DOCK8: variants seen among roughly 807,000 people sequenced by gnomAD.
DOCK8 encodes the protein dedicator of cytokinesis protein 8.
DOCK8 carries 141 observed loss-of-function variants against 245.6 expected under a neutral mutation model. That is an observed-to-expected ratio of 0.57 (90% confidence interval 0.50 to 0.66). The LOEUF (loss-of-function observed/expected upper bound fraction) is 0.66. Ranked by LOEUF, DOCK8 falls within the 30% of genes least tolerant of loss-of-function variation. DOCK8 has a pLI of 0.00. For synonymous variants in DOCK8, 1,168 were observed against 970.2 expected (o/e 1.20, Z -3.79); for missense variants, 2,965 against 2,603.4 (o/e 1.14, Z -3.02).
rs1564016047 is a variant in DOCK8, at chr9:400,877, ACC to A, written c.3234+1619_3234+1620del. On this transcript the variant is annotated intron_variant, in intron 26 of 47. Coordinates refer to ENST00000432829, the MANE Select transcript of DOCK8 (RefSeq NM_203447.4). The stretch of plus-strand genomic sequence containing the variant: ...CACCACCTCCTCCACCATCACCACC[ACC>A]TCCACCACCACCACCTCCCCCACTA... Among the ~76,000 whole-genome samples the A allele has an allele frequency of 3.4e-4, 17 of 50,634 alleles. 2 individuals carry two copies. Among genetic ancestry groups the A allele is most frequent in the Admixed American group, 8.6e-4 (4 of 4,626 alleles). 33.2% of individuals were successfully genotyped at this position (50,634 alleles called of 152,430 possible).
chr9:400,889 A>T (rs1327264592), intron 26 of DOCK8, among the ~76,000 whole-genome samples: 1 of 116,910 alleles, frequency 8.6e-6, no homozygotes. Context: ...CTCCACCACC[A>T]CCACCTCCCC....
chr9:301,378 CA>C (rs1234614043), intron 4 of DOCK8, among the ~76,000 whole-genome samples: 1 of 152,212 alleles, frequency 6.6e-6, no homozygotes, highest in Non-Finnish European at 1.5e-5. Flanking sequence ...CAACTATCCA[CA>C]GCCAACATCA....
chr9:422,927 G>A (rs1274461721), intron 33 of DOCK8, among the ~76,000 whole-genome samples: 1 of 151,240 alleles, frequency 6.6e-6, no homozygotes, highest in African/African-American at 2.4e-5. Flanking sequence ...AGAGGTTGCA[G>A]TGAGCCAAGA....
At chr9:359,169 C>A (rs2052597599) in intron 14 of DOCK8, among the ~76,000 whole-genome samples, 1 of 152,180 alleles carries the variant, frequency 6.6e-6, no homozygotes, top group East Asian at 1.9e-4. Context: ...AATTTTAGCT[C>A]ACTCAGAAAA....
At chr9:368,523 G>T in intron 15 of DOCK8, 1 of 535,656 alleles carries the variant, frequency 1.9e-6, no homozygotes, top group Non-Finnish European at 3.3e-6. Context: ...TACACACACA[G>T]TGTTACACAC....
chr9:457,668 TGC>T (rs2057682456), intron 46 of DOCK8, among the ~76,000 whole-genome samples: 1 of 152,192 alleles, frequency 6.6e-6, no homozygotes, highest in Non-Finnish European at 1.5e-5. Flanking sequence ...TTCACCTCTT[TGC>T]ATGTTAGTTT....
chr9:382,729 A>T, intron 22 of DOCK8, 44 bp downstream of exon 22: 1 of 1,606,084 alleles, frequency 6.2e-7, no homozygotes, highest in Non-Finnish European at 8.5e-7. Context: ...AGGCTTTTTT[A>T]TTTTTTAACT....
chr9:303,783 T>G (rs1354097107), intron 4 of DOCK8, among the ~76,000 whole-genome samples: 1 of 152,176 alleles, frequency 6.6e-6, no homozygotes, highest in Non-Finnish European at 1.5e-5. Context: ...CATGTATCCC[T>G]TGAACCTAAA....
At chr9:225,569 A>G (rs1037444676) in intron 1 of DOCK8, among the ~76,000 whole-genome samples, 1 of 152,204 alleles carries the variant, frequency 6.6e-6, no homozygotes, top group African/African-American at 2.4e-5. Flanking sequence ...TTATTCATTC[A>G]TTCATTTCAT....
intron 39 of DOCK8, 77 bp from the exon 40 acceptor site, chr9:439,168 T>A (rs1564070110): frequency 6.3e-7 from 1 of 1,592,260 alleles, no homozygotes; most frequent in African/African-American, 1.3e-5. Flanking sequence ...CTTCCTCGTT[T>A]CCCCATTCGG....
At chr9:222,849 A>G (rs1163298879) in intron 1 of DOCK8, among the ~76,000 whole-genome samples, 2 of 152,156 alleles carry the variant, frequency 1.3e-5, no homozygotes, top group African/African-American at 4.8e-5. Context: ...TGTGCTTTTT[A>G]CTTTGCTTAA....
At chr9:363,215 G>T (rs1170781829) in intron 14 of DOCK8, among the ~76,000 whole-genome samples, 1 of 152,188 alleles carries the variant, frequency 6.6e-6, no homozygotes, top group African/African-American at 2.4e-5. Flanking sequence ...CACATTTGGG[G>T]AAAGATAAGA....
At chr9:286,695 T>G (rs2048838438) in intron 3 of DOCK8, 59 bp downstream of exon 3, 5 of 1,540,298 alleles carry the variant, frequency 3.2e-6, no homozygotes, top group Non-Finnish European at 3.6e-6. Flanking sequence ...TTTCAATAAG[T>G]GGGTAGGGGA....
intron 14 of DOCK8, among the ~76,000 whole-genome samples, chr9:353,606 CTG>C (rs2052282332): frequency 6.6e-6 from 1 of 152,118 alleles, no homozygotes; most frequent in Non-Finnish European, 1.5e-5. Flanking sequence ...TGTGCTTTCT[CTG>C]TCTGTTAAAG....
At position 420,465 on chromosome 9, in the gene DOCK8, G is replaced by C. The variant is rs149116813; in HGVS notation, c.3905G>C (p.Trp1302Ser). Residue 1302 changes from tryptophan (W) to serine (S), a missense_variant, in exon 31 of 48, where the codon TGG becomes TCG. This residue lies in a region of DOCK8 where 2,825 missense variants were observed against 2,453.5 expected (regional missense o/e 1.15). Transcript: ENST00000432829. ...CGCAACCTCATGATCTGCTTCCTCT[G>C]GATCATGAAAAATGCTGATCAGAGC... is the stretch of plus-strand genomic sequence containing the variant. ...TTRNLMICFL[W>S]IMKNADQSLI... 9 of 1,614,000 alleles carry C rather than the reference G, an allele frequency of 5.6e-6. No individual in the cohort carries two copies. The highest frequency in any genetic ancestry group is 5.9e-6 in the Non-Finnish European group (7 of 1,180,038).
rs1421339335 is a variant in DOCK8, at chr9:400,150, A to G, written c.3234+891A>G. On this transcript the variant is annotated intron_variant, in intron 26 of 47. Coordinates refer to ENST00000432829, the MANE Select transcript of DOCK8 (RefSeq NM_203447.4). ...CTTCACCATCACCACCACCTCCACC[A>G]TCACCACCACCACCACCTCCACCAT... Among the ~76,000 whole-genome samples, 11 of 47,248 alleles carry G rather than the reference A, an allele frequency of 2.3e-4. 1 individual carries two copies. Among genetic ancestry groups the G allele is most frequent in the South Asian group, 1.4e-3 (2 of 1,446 alleles). 31.0% of individuals were successfully genotyped at this position (47,248 alleles called of 152,430 possible). A position where few individuals can be genotyped will look rare whatever the true frequency, so the allele number is the denominator to read the frequency against.
At chr9:312,577 C>A (rs1484673156) in intron 6 of DOCK8, 2 of 371,658 alleles carry the variant, frequency 5.4e-6, no homozygotes, top group African/African-American at 2.1e-5. Flanking sequence ...TTGTTACTTT[C>A]TTTTTAATGG....
rs568943661 is a variant in DOCK8 at position 463,510 on chromosome 9, A to T, written c.6069-7A>T. The T allele has an allele frequency of 6.2e-7, 1 of 1,614,094 alleles. No individual in the cohort carries two copies. Among genetic ancestry groups the T allele is most frequent in the Non-Finnish European group, 8.5e-7 (1 of 1,180,040 alleles). ...TTATTTCTCCCACACTGATATTTTC[A>T]TCTCAGATGTGGTGAAGCTGTAGAG... On this transcript the variant is annotated splice_region_variant and splice_polypyrimidine_tract_variant and intron_variant, in intron 46 of 47. Transcript: ENST00000432829.
At chr9:371,672 A>T in intron 17 of DOCK8, 106 bp downstream of exon 17, 3 of 1,497,394 alleles carry the variant, frequency 2.0e-6, no homozygotes, top group Admixed American at 3.8e-5. Context: ...TTCCAGTCAG[A>T]AGTAGCAAAA....
Sources: allele counts gnomAD v4.1 joint callset (sites outside exome capture counted in the v4.1 genomes callset), GRCh38; gene constraint gnomAD v4.1.1; regional missense constraint gnomAD v4.1.1; transcripts MANE v1.5; gene names NCBI Gene and HGNC (gene_info 2026-07-23, HGNC 2026-07-21).